The following IMMP2L variants were observed in gnomAD, a reference collection of about 807,000 sequenced individuals.
IMMP2L encodes inner mitochondrial membrane peptidase subunit 2.
In IMMP2L, 18 loss-of-function variants were observed where a neutral mutation model predicts 19.3. That is an observed-to-expected ratio of 0.93 (90% CI 0.64 to 1.38). IMMP2L has a LOEUF of 1.38. Among genes scored for constraint, IMMP2L ranks in the 40% most tolerant of loss-of-function variants. The pLI, the probability that IMMP2L is intolerant of heterozygous loss-of-function variation, is 0.00. For missense variants in IMMP2L, 233 were observed against 218.2 expected, an observed-to-expected ratio of 1.07 and a Z score of -0.43; for synonymous variants, 76 against 73.0, an observed-to-expected ratio of 1.04 and a Z score of -0.21.
At chr7:110,714,551 T>A (rs762308404) in intron 5 of IMMP2L, among the ~76,000 whole-genome samples, 1 of 152,146 alleles carries the variant, frequency 6.6e-6, no homozygotes, top group Non-Finnish European at 1.5e-5. Context: ...GTATGACTGA[T>A]AGAATTTGGC....
At chr7:111,050,483 A>G (rs1452862275) in intron 3 of IMMP2L, among the ~76,000 whole-genome samples, 1 of 152,058 alleles carries the variant, frequency 6.6e-6, no homozygotes, top group Non-Finnish European at 1.5e-5. Flanking sequence ...ACTCTCTCTC[A>G]CCCCGTTTCT....
intron 4 of IMMP2L, among the ~76,000 whole-genome samples, chr7:110,914,575 ACTTT>A (rs1168452426): frequency 6.6e-6 from 1 of 152,160 alleles, no homozygotes; most frequent in African/African-American, 2.4e-5. Flanking sequence ...GTCCCCATAA[ACTTT>A]TCAAAAAGCA....
intron 3 of IMMP2L, among the ~76,000 whole-genome samples, chr7:111,234,723 C>T (rs1050256001): frequency 1.3e-5 from 2 of 151,842 alleles, no homozygotes; most frequent in African/African-American, 2.4e-5. Flanking sequence ...AGCTATAATT[C>T]TTTTAACTGT....
At chr7:110,669,032 TGTGTGTGTGTGTGTGTGTGC>T (rs1419772163) in intron 5 of IMMP2L, among the ~76,000 whole-genome samples, 941 of 17,964 alleles carry the variant, frequency 0.052, 9 homozygotes, top group South Asian at 0.16. Context: ...ACAGTATGTG[TGTGTGTGTGTGTGTGTGTGC>T]GTGTGTGTGT....
At chr7:111,416,136 C>A (rs1834936035) in intron 3 of IMMP2L, among the ~76,000 whole-genome samples, 1 of 151,700 alleles carries the variant, frequency 6.6e-6, no homozygotes, top group Non-Finnish European at 1.5e-5. Flanking sequence ...CCCAACTACG[C>A]AAATAAAATC....
intron 3 of IMMP2L, among the ~76,000 whole-genome samples, chr7:111,327,796 G>A (rs117456139): frequency 0.01 from 1,530 of 151,508 alleles, 15 homozygotes; most frequent in Middle Eastern, 0.017. Flanking sequence ...ATTGCTTAAG[G>A]TCAGAAATGC....
At chr7:110,933,512 G>T (rs1280285103) in intron 4 of IMMP2L, among the ~76,000 whole-genome samples, 1 of 152,004 alleles carries the variant, frequency 6.6e-6, no homozygotes, top group Non-Finnish European at 1.5e-5. Flanking sequence ...TTAAACAAGA[G>T]AAATTATATG....
intron 5 of IMMP2L, among the ~76,000 whole-genome samples, chr7:110,701,834 C>T (rs557088389): frequency 6.6e-6 from 1 of 152,308 alleles, no homozygotes; most frequent in Admixed American, 6.5e-5. Flanking sequence ...TCAGGCTGCT[C>T]TAACACCAGA....
intron 4 of IMMP2L, among the ~76,000 whole-genome samples, chr7:110,947,615 C>A (rs1817390965): frequency 6.6e-6 from 1 of 152,170 alleles, no homozygotes; most frequent in Non-Finnish European, 1.5e-5. Flanking sequence ...AATAGAAAAT[C>A]TTTCCATTTT....
intron 3 of IMMP2L, among the ~76,000 whole-genome samples, chr7:111,078,472 C>A (rs888026635): frequency 6.6e-6 from 1 of 152,032 alleles, no homozygotes; most frequent in Non-Finnish European, 1.5e-5. Context: ...AGGAAACAAA[C>A]GTCCAATATT....
At chr7:111,399,170 C>A (rs950830128) in intron 3 of IMMP2L, among the ~76,000 whole-genome samples, 16 of 152,014 alleles carry the variant, frequency 1.1e-4, no homozygotes, top group Non-Finnish European at 1.8e-4. Flanking sequence ...GCCTGCATAG[C>A]CAAAGCAAGA....
chr7:111,388,613 TGAG>T (rs1481766038), intron 3 of IMMP2L, among the ~76,000 whole-genome samples: 2 of 152,104 alleles, frequency 1.3e-5, no homozygotes, highest in Admixed American at 6.6e-5. Context: ...TCCACATGGC[TGAG>T]GAGGCCTCAG....
intron 3 of IMMP2L, among the ~76,000 whole-genome samples, chr7:111,260,298 A>G (rs1402979428): frequency 6.6e-6 from 1 of 152,162 alleles, no homozygotes; most frequent in Admixed American, 6.5e-5. Flanking sequence ...GACAGCTATG[A>G]CTTCACTAGG....
intron 1 of IMMP2L, among the ~76,000 whole-genome samples, chr7:111,558,387 T>C (rs750298760): frequency 2.2e-4 from 33 of 152,230 alleles, no homozygotes; most frequent in Non-Finnish European, 4.0e-4. Flanking sequence ...ATCTTTGTTC[T>C]TGTGTCTAGG....
intron 3 of IMMP2L, among the ~76,000 whole-genome samples, chr7:111,180,478 A>G (rs1807582363): frequency 6.6e-6 from 1 of 151,998 alleles, no homozygotes; most frequent in Non-Finnish European, 1.5e-5. Context: ...GTGCCCTGAA[A>G]CAGTTACAAC....
intron 5 of IMMP2L, among the ~76,000 whole-genome samples, chr7:110,774,065 G>T (rs1473497629): frequency 2.6e-5 from 4 of 151,966 alleles, no homozygotes; most frequent in Non-Finnish European, 4.4e-5. Flanking sequence ...AATACTATGG[G>T]AAGGGGGAAG....
intron 3 of IMMP2L, among the ~76,000 whole-genome samples, chr7:111,038,116 A>C (rs1469311452): frequency 6.6e-6 from 1 of 152,190 alleles, no homozygotes; most frequent in East Asian, 1.9e-4. Context: ...ATTTTCTCAT[A>C]ATCAATAGTA....
At chr7:111,463,789 T>C (rs1415910223) in intron 3 of IMMP2L, among the ~76,000 whole-genome samples, 1 of 152,166 alleles carries the variant, frequency 6.6e-6, no homozygotes, top group Non-Finnish European at 1.5e-5. Context: ...TTCATTAAAC[T>C]CTCTTCATTG....
At chr7:111,115,429 T>A (rs1799761113) in intron 3 of IMMP2L, among the ~76,000 whole-genome samples, 1 of 152,008 alleles carries the variant, frequency 6.6e-6, no homozygotes, top group African/African-American at 2.4e-5. Flanking sequence ...TCATAAAAAA[T>A]GACAGTATCA....
Sources: allele counts gnomAD v4.1 joint callset (sites outside exome capture counted in the v4.1 genomes callset), GRCh38; gene constraint gnomAD v4.1.1; transcripts MANE v1.5; gene names NCBI Gene and HGNC (gene_info 2026-07-23, HGNC 2026-07-21).